UGT3A1: variants seen among roughly 807,000 people sequenced by gnomAD.
The protein encoded by UGT3A1 is UDP-glycosyltransferase 3A1.
Under a neutral mutation model 37.6 loss-of-function variants are expected in UGT3A1, and 40 were observed. The ratio of observed to expected loss-of-function variants is 1.06; its 90% CI spans 0.83 to 1.38. UGT3A1 has a LOEUF of 1.38. Among genes scored for constraint, UGT3A1 ranks in the 40% most tolerant of loss-of-function variants. The pLI is 0.00. For synonymous variants in UGT3A1, 256 were observed against 232.3 expected, an observed-to-expected ratio of 1.10 and a Z score of -0.93; for missense variants, 642 against 634.2, an observed-to-expected ratio of 1.01 and a Z score of -0.13.
chr5:35,978,310 C>A (rs764256854), intron 2 of UGT3A1, among the ~76,000 whole-genome samples: 2 of 152,164 alleles, frequency 1.3e-5, no homozygotes, highest in Non-Finnish European at 2.9e-5. Context: ...GCGGGGATTA[C>A]AAGCATGAAC....
Position 35,955,689 on chromosome 5 carries a change from G to A in UGT3A1, c.1251C>T (p.Ala417=), listed in dbSNP as rs756723625. The A allele has an allele frequency of 3.7e-5, 59 of 1,613,978 alleles. No homozygotes were observed. Among genetic ancestry groups the A allele is most frequent in the Non-Finnish European group, 4.5e-5 (53 of 1,180,038 alleles). ...GVSIRLNQVT[A]DTLTLTMKQV... is the part of the protein sequence containing the mutation. ...GTTTCATTGTAAGTGTCAGTGTGTCGGCTGTGACCTGATTCAACCGGATAG... is the reference window on the plus strand; with the variant it reads ...GTTTCATTGTAAGTGTCAGTGTGTCAGCTGTGACCTGATTCAACCGGATAG... The change falls in exon 6 of 7, where the codon GCC becomes GCT. Residue 417 remains alanine, a synonymous_variant. Transcript: ENST00000274278.
At chr5:35,959,809 CA>C (rs1739506358) in intron 4 of UGT3A1, among the ~76,000 whole-genome samples, 1 of 152,112 alleles carries the variant, frequency 6.6e-6, no homozygotes, top group African/African-American at 2.4e-5. Context: ...CACACACACA[CA>C]CTAAAGATTA....
At chr5:35,984,490 T>TTG (rs4022377) in intron 2 of UGT3A1, among the ~76,000 whole-genome samples, 1 of 144,104 alleles carries the variant, frequency 6.9e-6, no homozygotes, top group Non-Finnish European at 1.6e-5. Flanking sequence ...TTTTTTTTTT[T>TTG]GAGACAGAAT....
At chr5:35,994,194 C>A (rs78987049), upstream of UGT3A1, among the ~76,000 whole-genome samples, 404 of 152,282 alleles carry the variant, frequency 2.7e-3, 1 homozygote, top group African/African-American at 9.2e-3. Flanking sequence ...TTTTAAATGA[C>A]TAAAATTAGC....
chr5:35,970,970 C>A (rs184634494), intron 2 of UGT3A1, among the ~76,000 whole-genome samples: 28 of 152,250 alleles, frequency 1.8e-4, no homozygotes, highest in African/African-American at 6.5e-4. Flanking sequence ...TGAATACTAA[C>A]AAATACTTTG....
chr5:35,999,154 A>G (rs1741163812), intron 1 of UGT3A1, among the ~76,000 whole-genome samples: 1 of 150,800 alleles, frequency 6.6e-6, no homozygotes, highest in South Asian at 2.1e-4. Flanking sequence ...GGAGAATGGC[A>G]TGAATCCAGG....
chr5:35,978,725 A>C (rs1740399581), intron 2 of UGT3A1, among the ~76,000 whole-genome samples: 1 of 152,116 alleles, frequency 6.6e-6, no homozygotes, highest in Admixed American at 6.5e-5. Flanking sequence ...TCACATTTCA[A>C]AACAATCATG....
chr5:35,981,964 C>T (rs960356431), intron 2 of UGT3A1, among the ~76,000 whole-genome samples: 5 of 152,246 alleles, frequency 3.3e-5, no homozygotes, highest in Non-Finnish European at 5.9e-5. Context: ...CCAGCCACAG[C>T]TAAAAGAGGC....
intron 1 of UGT3A1, among the ~76,000 whole-genome samples, chr5:36,000,568 G>T (rs1246255283): frequency 6.6e-6 from 1 of 152,156 alleles, no homozygotes. Context: ...TGAGTGGACT[G>T]TAACTCCCAA....
chr5:35,985,070 C>T (rs1270819921), intron 2 of UGT3A1, among the ~76,000 whole-genome samples: 4 of 24,480 alleles, frequency 1.6e-4, no homozygotes, highest in Non-Finnish European at 2.7e-4. Context: ...GGAAAATAAA[C>T]ATAAAATATA....
intron 6 of UGT3A1, chr5:35,954,740 G>A (rs1739289185): frequency 1.9e-6 from 1 of 512,936 alleles, no homozygotes; most frequent in Non-Finnish European, 3.5e-6. Flanking sequence ...AAATCTCTAA[G>A]AACTAGTCCA....
At chr5:35,973,679 G>T (rs1248589841) in intron 2 of UGT3A1, among the ~76,000 whole-genome samples, 1 of 152,054 alleles carries the variant, frequency 6.6e-6, no homozygotes, top group Non-Finnish European at 1.5e-5. Context: ...ATTTGCAAGG[G>T]GCTTCCCAGC....
intron 2 of UGT3A1, among the ~76,000 whole-genome samples, chr5:35,970,484 C>T (rs1739993644): frequency 6.6e-6 from 1 of 151,950 alleles, no homozygotes; most frequent in East Asian, 1.9e-4. Context: ...AATTACCTCC[C>T]ACCAGGTCCA....
intron 2 of UGT3A1, among the ~76,000 whole-genome samples, chr5:35,976,150 C>A (rs1740259547): frequency 6.6e-6 from 1 of 152,086 alleles, no homozygotes; most frequent in South Asian, 2.1e-4. Flanking sequence ...AAAAATAATT[C>A]TATTAAACAG....
intron 2 of UGT3A1, among the ~76,000 whole-genome samples, chr5:35,976,875 G>A (rs951992945): frequency 7.8e-6 from 1 of 128,740 alleles, no homozygotes; most frequent in African/African-American, 2.7e-5. Context: ...AAGGGACGGA[G>A]GGAGAGAGGA....
At chr5:35,981,898 C>T (rs753460090) in intron 2 of UGT3A1, among the ~76,000 whole-genome samples, 38 of 152,246 alleles carry the variant, frequency 2.5e-4, no homozygotes, top group Non-Finnish European at 5.1e-4. Context: ...GGGCTAGGCC[C>T]AGGACCCCAC....
Position 35,965,472 on chromosome 5 carries a change from A to G in UGT3A1, c.757T>C (p.Phe253Leu), listed in dbSNP as rs144263859. The change falls in exon 4 of 7, where the codon TTT (phenylalanine) becomes CTT (leucine). Residue 253 changes from phenylalanine to leucine, a missense_variant. Transcript: ENST00000274278. ...KAELWFVNSD[F>L]AFDFARPLLP... is the part of the protein sequence containing the mutation. Reference sequence around the variant, plus strand: ...AGGGGCCGGGCAAAATCAAAGGCAAAATCAGAGTTAACAAACCACAACTCT... The same window carrying G: ...AGGGGCCGGGCAAAATCAAAGGCAAGATCAGAGTTAACAAACCACAACTCT... 173 of 1,614,118 alleles carry G rather than the reference A, an allele frequency of 1.1e-4. No homozygotes were observed. The highest frequency in any genetic ancestry group is 1.3e-4 in the Non-Finnish European group (157 of 1,180,046).
In UGT3A1 at chr5:35,954,104, G is replaced by T; in HGVS notation, c.*98C>A. The T allele has an allele frequency of 1.5e-6, 2 of 1,303,968 alleles. No individual in the cohort carries two copies. Among genetic ancestry groups the T allele is most frequent in the African/African-American group, 1.5e-5 (1 of 68,014 alleles). 80.8% of individuals were successfully genotyped at this position (1,303,968 alleles called of 1,614,324 possible). ...GCAAGTTGCAGGATCAGTGGCAGGT[G>T]GAGCTGAAGAGAGAACAGAGGGGTG... On this transcript the variant is annotated 3_prime_UTR_variant, in exon 7 of 7. Transcript: ENST00000274278.
chr5:35,966,234 T>C (rs934074697), intron 3 of UGT3A1, among the ~76,000 whole-genome samples: 8 of 152,220 alleles, frequency 5.3e-5, no homozygotes, highest in Admixed American at 2.6e-4. Flanking sequence ...TATGTCTCCT[T>C]TATAAATCCT....
Sources: allele counts gnomAD v4.1 joint callset (sites outside exome capture counted in the v4.1 genomes callset), GRCh38; gene constraint gnomAD v4.1.1; transcripts MANE v1.5; gene names NCBI Gene and HGNC (gene_info 2026-07-23, HGNC 2026-07-21).